The following ERC2 variants were observed in gnomAD, a reference collection of about 807,000 sequenced individuals.
ERC2 encodes ERC protein 2.
A neutral mutation model predicts 114.8 loss-of-function variants in ERC2; 42 were observed. The observed-to-expected ratio is 0.37, with a 90% CI of 0.29 to 0.47. The LOEUF is 0.47. Ranked by LOEUF, ERC2 falls within the 20% of genes least tolerant of loss-of-function variation. The pLI is 0.99. For missense variants in ERC2, 939 were observed against 1,150.7 expected (o/e 0.82, Z 2.66); for synonymous variants, 454 against 425.5 (o/e 1.07, Z -0.82).
chr3:55,705,941 G>T (rs913375758), intron 15 of ERC2, among the ~76,000 whole-genome samples: 2 of 152,062 alleles, frequency 1.3e-5, no homozygotes, highest in Non-Finnish European at 2.9e-5. Flanking sequence ...ACCAGATCTT[G>T]TCTGCAGCTT....
At chr3:56,013,502 G>T (rs1387197328) in intron 8 of ERC2, among the ~76,000 whole-genome samples, 1 of 152,158 alleles carries the variant, frequency 6.6e-6, no homozygotes, top group African/African-American at 2.4e-5. Flanking sequence ...CCTTGGGATA[G>T]TCCAGAGGAG....
chr3:56,265,253 G>C (rs1318666610), intron 3 of ERC2, among the ~76,000 whole-genome samples: 2 of 152,038 alleles, frequency 1.3e-5, no homozygotes, highest in East Asian at 3.9e-4. Flanking sequence ...CATAAAAACA[G>C]ACACACAGGC....
At chr3:55,892,266 A>G (rs2063646399) in intron 13 of ERC2, among the ~76,000 whole-genome samples, 1 of 152,214 alleles carries the variant, frequency 6.6e-6, no homozygotes, top group Non-Finnish European at 1.5e-5. Flanking sequence ...ACACTTTGGG[A>G]GGCCAGGGCC....
chr3:55,738,556 G>C (rs2065785374), intron 14 of ERC2, among the ~76,000 whole-genome samples: 2 of 151,982 alleles, frequency 1.3e-5, no homozygotes, highest in Admixed American at 1.3e-4. Context: ...TTCATGCACA[G>C]ATAGGCACAC....
At chr3:55,694,829 G>T (rs768562411) in intron 16 of ERC2, among the ~76,000 whole-genome samples, 6 of 152,178 alleles carry the variant, frequency 3.9e-5, no homozygotes, top group Non-Finnish European at 7.3e-5. Context: ...CCAAGACCCG[G>T]GAAGAGAAAT....
At chr3:56,193,974 G>T (rs2047945515) in intron 3 of ERC2, among the ~76,000 whole-genome samples, 1 of 152,144 alleles carries the variant, frequency 6.6e-6, no homozygotes, top group South Asian at 2.1e-4. Flanking sequence ...GGGACTCAGG[G>T]AGGTTAATTA....
intron 10 of ERC2, chr3:56,003,206 AG>A: frequency 2.6e-6 from 3 of 1,141,058 alleles, no homozygotes; most frequent in Non-Finnish European, 3.5e-6. Flanking sequence ...AAACAGCATT[AG>A]CTCAACAAAA....
intron 6 of ERC2, among the ~76,000 whole-genome samples, chr3:56,138,938 C>G (rs1036120958): frequency 1.3e-5 from 2 of 152,132 alleles, no homozygotes; most frequent in Non-Finnish European, 2.9e-5. Context: ...GAAACTCACA[C>G]AATATCAACT....
chr3:55,890,484 T>C (rs2063550440), intron 13 of ERC2, among the ~76,000 whole-genome samples: 1 of 152,216 alleles, frequency 6.6e-6, no homozygotes, highest in Non-Finnish European at 1.5e-5. Flanking sequence ...AGCTGATCTA[T>C]CTGCAATCTA....
At chr3:55,524,250 G>T (rs1357991223) in intron 17 of ERC2, among the ~76,000 whole-genome samples, 5 of 152,180 alleles carry the variant, frequency 3.3e-5, no homozygotes, top group Admixed American at 3.3e-4. Flanking sequence ...TAACCACAGT[G>T]GGGTGTTCAT....
At chr3:55,686,360 T>C (rs2062332246) in intron 16 of ERC2, among the ~76,000 whole-genome samples, 1 of 152,224 alleles carries the variant, frequency 6.6e-6, no homozygotes, top group Non-Finnish European at 1.5e-5. Context: ...TTAAAGTTTT[T>C]AAAAGAAAAT....
At chr3:56,390,482 G>A (rs1452626396) in intron 2 of ERC2, among the ~76,000 whole-genome samples, 3 of 152,194 alleles carry the variant, frequency 2.0e-5, no homozygotes, top group African/African-American at 2.4e-5. Context: ...GCAAAGGAGA[G>A]TGATTGGCTA....
intron 2 of ERC2, among the ~76,000 whole-genome samples, chr3:56,381,367 G>A (rs1358150455): frequency 6.6e-6 from 1 of 152,054 alleles, no homozygotes; most frequent in African/African-American, 2.4e-5. Context: ...CGCACACTCA[G>A]GTCCTGCAGT....
At chr3:55,823,861 T>C (rs1467536954) in intron 14 of ERC2, among the ~76,000 whole-genome samples, 5 of 152,270 alleles carry the variant, frequency 3.3e-5, no homozygotes, top group Non-Finnish European at 7.4e-5. Flanking sequence ...TGGGCTGCCA[T>C]AACAAGATAC....
At chr3:56,188,180 A>G (rs568402383) in intron 3 of ERC2, among the ~76,000 whole-genome samples, 4 of 152,290 alleles carry the variant, frequency 2.6e-5, no homozygotes, top group African/African-American at 7.2e-5. Flanking sequence ...CCTTCTGGGC[A>G]TCATATTTTG....
chr3:56,363,593 T>G (rs1304562177), intron 2 of ERC2, among the ~76,000 whole-genome samples: 1 of 152,206 alleles, frequency 6.6e-6, no homozygotes, highest in Non-Finnish European at 1.5e-5. Flanking sequence ...GTGTCAATTT[T>G]CTTTGTATTG....
intron 14 of ERC2, among the ~76,000 whole-genome samples, chr3:55,822,697 C>G (rs1387284237): frequency 6.7e-6 from 1 of 148,974 alleles, no homozygotes; most frequent in Non-Finnish European, 1.5e-5. Flanking sequence ...CCCCGAGTAG[C>G]TGGGACTACA....
chr3:56,282,413 A>G (rs1208363956), intron 3 of ERC2, among the ~76,000 whole-genome samples: 1 of 152,258 alleles, frequency 6.6e-6, no homozygotes, highest in Non-Finnish European at 1.5e-5. Flanking sequence ...AAAGTTTCAA[A>G]GAAAACAAAC....
At chr3:56,374,685 C>A (rs1212042502) in intron 2 of ERC2, among the ~76,000 whole-genome samples, 1 of 152,022 alleles carries the variant, frequency 6.6e-6, no homozygotes, top group Non-Finnish European at 1.5e-5. Context: ...TTATCAGTAC[C>A]CACTATTATG....
Sources: gnomAD v4.1 joint callset for allele counts (sites outside exome capture counted in the v4.1 genomes callset) on GRCh38, gnomAD v4.1.1 for gene constraint, MANE v1.5 for transcripts, NCBI Gene and HGNC (gene_info 2026-07-23, HGNC 2026-07-21) for gene names.